BACH2: variants seen among roughly 807,000 people sequenced by gnomAD.
BACH2 encodes transcription regulator protein BACH2.
BACH2 carries 5 observed loss-of-function variants against 61.8 expected under a neutral mutation model. That is an observed-to-expected ratio of 0.08 (90% CI 0.04 to 0.17). BACH2 has a LOEUF of 0.17. Among genes scored for constraint, BACH2 ranks in the 10% least tolerant of loss-of-function variants. The pLI, the probability that BACH2 is intolerant of heterozygous loss-of-function variation, is 1.00. For missense variants in BACH2, 824 were observed against 1,091.1 expected, an observed-to-expected ratio of 0.76 and a Z score of 3.45; for synonymous variants, 446 against 440.1, an observed-to-expected ratio of 1.01 and a Z score of -0.17.
chr6:90,114,870 C>G (rs1472025766), intron 4 of BACH2, among the ~76,000 whole-genome samples: 1 of 152,056 alleles, frequency 6.6e-6, no homozygotes, highest in Non-Finnish European at 1.5e-5. Flanking sequence ...TATACACCAA[C>G]AATAACCAAA....
rs12665440 is a variant in BACH2 at position 90,004,703 on chromosome 6, G to A, written c.243+3899C>T. On this transcript the variant is annotated intron_variant, in intron 6 of 8. Coordinates refer to ENST00000257749, the MANE Select transcript of BACH2 (RefSeq NM_021813.4). Reference sequence around the variant, plus strand: ...TTCCGTCATGGCTGGCATCCAGCCCGAAATGGCCTCCATGACTATAGCTAA... The same window carrying A: ...TTCCGTCATGGCTGGCATCCAGCCCAAAATGGCCTCCATGACTATAGCTAA... Among the ~76,000 whole-genome samples, 1,054 of 152,284 alleles carry A rather than the reference G, an allele frequency of 6.9e-3. 23 individuals carry two copies. In the East Asian group the frequency reaches 0.079, roughly 11 times the overall value.
intron 5 of BACH2, among the ~76,000 whole-genome samples, chr6:90,021,174 G>A (rs1176381324): frequency 1.3e-5 from 2 of 151,788 alleles, no homozygotes; most frequent in Non-Finnish European, 2.9e-5. Flanking sequence ...ATTACTCGAA[G>A]GTATAGTATT....
At chr6:90,072,004 A>AGGGGTGGAG (rs1056927144) in intron 5 of BACH2, among the ~76,000 whole-genome samples, 11 of 152,128 alleles carry the variant, frequency 7.2e-5, no homozygotes, top group African/African-American at 2.4e-4. Flanking sequence ...CAGAGGCAGA[A>AGGGGTGGAG]GGGGTGGAGG....
At chr6:89,971,556 CT>C (rs1775360442) in intron 6 of BACH2, among the ~76,000 whole-genome samples, 1 of 152,128 alleles carries the variant, frequency 6.6e-6, no homozygotes, top group African/African-American at 2.4e-5. Flanking sequence ...ACGGTTCTTA[CT>C]TACAGGGTGT....
chr6:90,096,662 T>C (rs1562441168), intron 4 of BACH2, among the ~76,000 whole-genome samples: 1 of 152,180 alleles, frequency 6.6e-6, no homozygotes, highest in East Asian at 1.9e-4. Context: ...GACATTGCCC[T>C]GGGGATCTGC....
intron 4 of BACH2, chr6:90,116,718 C>T (rs1783416329): frequency 5.0e-6 from 2 of 401,642 alleles, no homozygotes; most frequent in South Asian, 3.4e-5. Context: ...ACCAGGTCCA[C>T]ACTTTGTCTA....
intron 4 of BACH2, among the ~76,000 whole-genome samples, chr6:90,117,693 G>C (rs752248915): frequency 7.2e-5 from 11 of 152,152 alleles, no homozygotes; most frequent in Non-Finnish European, 1.0e-4. Context: ...ACTAATCCAT[G>C]AATCCCATCA....
intron 6 of BACH2, among the ~76,000 whole-genome samples, chr6:89,956,196 T>C (rs1027202485): frequency 1.3e-5 from 2 of 152,206 alleles, no homozygotes; most frequent in African/African-American, 4.8e-5. Flanking sequence ...TTCATTGCAC[T>C]TAAATATGTA....
At chr6:90,295,727 A>T (rs552511956) in intron 1 of BACH2, among the ~76,000 whole-genome samples, 1 of 151,646 alleles carries the variant, frequency 6.6e-6, no homozygotes, top group Admixed American at 6.6e-5. Context: ...AGGAGGTGCA[A>T]GGTTTCCCTC....
chr6:89,950,604 G>A lies in BACH2; in HGVS notation c.1502C>T (p.Pro501Leu), dbSNP rs758480618. 6.8e-6 allele frequency: 11 copies of A among 1,613,558 alleles called. No individual in the cohort carries two copies. The highest frequency in any genetic ancestry group is 2.2e-5 in the East Asian group (1 of 44,870). ...PGRMRPNTSC[P>L]VPIKVCPRSP... is the part of the protein sequence containing the mutation. ...GCGAGGGCAGACTTTGATTGGTACCGGGCAGCTGGTGTTGGGCCGCATCCT... is the reference window on the plus strand; with the variant it reads ...GCGAGGGCAGACTTTGATTGGTACCAGGCAGCTGGTGTTGGGCCGCATCCT... The change falls in exon 7 of 9, where the codon CCG (proline) becomes CTG (leucine). Residue 501 changes from proline to leucine, a missense_variant. Around this residue, in one of 8 missense-constraint regions of BACH2, gnomAD observed 102 missense variants for 98.1 expected, o/e 1.04. Transcript: ENST00000257749. The surrounding 1 kb of genome is among the most constrained non-coding windows in gnomAD (Gnocchi z 5.3).
intron 4 of BACH2, among the ~76,000 whole-genome samples, chr6:90,179,393 T>C (rs1005360392): frequency 1.3e-5 from 2 of 152,184 alleles, no homozygotes; most frequent in African/African-American, 4.8e-5. Flanking sequence ...AATAAATGTG[T>C]TTCAACTACT....
chr6:90,015,185 C>T (rs923366837), intron 5 of BACH2, among the ~76,000 whole-genome samples: 4 of 152,142 alleles, frequency 2.6e-5, no homozygotes, highest in African/African-American at 9.7e-5. Flanking sequence ...TCTTTCTGAT[C>T]AGTCTGGCTA....
At chr6:90,185,690 T>C (rs1768331291) in intron 4 of BACH2, among the ~76,000 whole-genome samples, 1 of 152,154 alleles carries the variant, frequency 6.6e-6, no homozygotes, top group Non-Finnish European at 1.5e-5. Flanking sequence ...GTTATGAGGG[T>C]TGGGGAAGGC....
intron 3 of BACH2, among the ~76,000 whole-genome samples, chr6:90,230,320 CT>C (rs1770053373): frequency 6.6e-6 from 1 of 152,188 alleles, no homozygotes; most frequent in Non-Finnish European, 1.5e-5. Context: ...GGCATAACAC[CT>C]GGTACATAGC....
At chr6:90,290,987 C>T (rs1772159647) in intron 1 of BACH2, among the ~76,000 whole-genome samples, 1 of 152,194 alleles carries the variant, frequency 6.6e-6, no homozygotes, top group African/African-American at 2.4e-5. Flanking sequence ...GACACAAGGA[C>T]AGGAGGGACC....
chr6:90,030,462 C>T (rs1778909519), intron 5 of BACH2, among the ~76,000 whole-genome samples: 1 of 151,912 alleles, frequency 6.6e-6, no homozygotes, highest in African/African-American at 2.4e-5. Context: ...GCTAGCAAGA[C>T]TAATCAAGAA....
At chr6:89,962,627 A>T (rs934116418) in intron 6 of BACH2, among the ~76,000 whole-genome samples, 12 of 152,310 alleles carry the variant, frequency 7.9e-5, no homozygotes, top group Admixed American at 5.9e-4. Flanking sequence ...TTTCAAGAAA[A>T]GGGTCCTCAT....
intron 4 of BACH2, among the ~76,000 whole-genome samples, chr6:90,153,092 G>T (rs1218062568): frequency 6.6e-6 from 1 of 152,134 alleles, no homozygotes; most frequent in Non-Finnish European, 1.5e-5. Context: ...AATCTCATCA[G>T]TACATATATC....
intron 5 of BACH2, chr6:90,062,788 A>G (rs781596821): frequency 3.1e-6 from 1 of 319,426 alleles, no homozygotes; most frequent in Non-Finnish European, 4.5e-6. Flanking sequence ...AAGTGTAGTG[A>G]CCAGCAATTG....
Sources: allele counts gnomAD v4.1 joint callset (sites outside exome capture counted in the v4.1 genomes callset), GRCh38; gene constraint gnomAD v4.1.1; regional missense constraint gnomAD v4.1.1; non-coding constraint Gnocchi (gnomAD v3.1); transcripts MANE v1.5; gene names NCBI Gene and HGNC (gene_info 2026-07-23, HGNC 2026-07-21).